Variants in GASK1B observed in about 807,000 individuals in gnomAD.
GASK1B encodes the protein golgi associated kinase 1B.
In GASK1B, 34 loss-of-function variants were observed where a neutral mutation model predicts 42.8. The observed-to-expected ratio is 0.79, with a 90% CI of 0.60 to 1.06. The LOEUF (loss-of-function observed/expected upper bound fraction) is 1.06, where lower values mean the gene tolerates loss of function less well. Ranked by LOEUF, GASK1B falls within the 50% of genes least tolerant of loss-of-function variation. The pLI, the probability that GASK1B is intolerant of heterozygous loss-of-function variation, is 0.00. For synonymous variants in GASK1B, 262 were observed against 259.1 expected (o/e 1.01, Z -0.11); for missense variants, 686 against 661.0 (o/e 1.04, Z -0.42).
At chr4:158,165,941 A>G (rs1331639996) in intron 2 of GASK1B, among the ~76,000 whole-genome samples, 1 of 152,246 alleles carries the variant, frequency 6.6e-6, no homozygotes, top group Non-Finnish European at 1.5e-5. Context: ...TATGTGATAC[A>G]TCACACTAGA....
intron 4 of GASK1B, among the ~76,000 whole-genome samples, chr4:158,129,702 A>G (rs574636959): frequency 6.6e-6 from 1 of 152,142 alleles, no homozygotes; most frequent in Non-Finnish European, 1.5e-5. Flanking sequence ...TTGGGTTCTA[A>G]CCTCAATTTG....
rs1182863160 is a variant in GASK1B, at chr4:158,126,858, AC to A, written c.*548del. The A allele has an allele frequency of 6.6e-6, 1 of 152,208 alleles. No individual in the cohort carries two copies. The highest frequency in any genetic ancestry group is 1.5e-5 in the Non-Finnish European group (1 of 68,022). 9.4% of individuals were successfully genotyped at this position (152,208 alleles called of 1,614,324 possible). On this transcript the variant is annotated 3_prime_UTR_variant, in exon 5 of 5. Coordinates refer to ENST00000585682, the MANE Select transcript of GASK1B (RefSeq NM_001128424.2). Reference sequence around the variant, plus strand: ...AATATACTGGTGATTTTGCAAATAAACCAGCATTTCTGTTTAAATGTATGGT... The same window carrying A: ...AATATACTGGTGATTTTGCAAATAAACAGCATTTCTGTTTAAATGTATGGT...
chr4:158,149,305 G>A (rs1731451983), intron 3 of GASK1B, among the ~76,000 whole-genome samples: 1 of 152,162 alleles, frequency 6.6e-6, no homozygotes, highest in Non-Finnish European at 1.5e-5. Context: ...GGGACAGTGA[G>A]GATAATCACA....
chr4:158,166,615 G>C (rs1352147717), intron 2 of GASK1B, among the ~76,000 whole-genome samples: 1 of 152,052 alleles, frequency 6.6e-6, no homozygotes, highest in African/African-American at 2.4e-5. Flanking sequence ...ATTTGTATGA[G>C]GATTTAATGA....
At chr4:158,158,687 C>T (rs550784194) in intron 2 of GASK1B, among the ~76,000 whole-genome samples, 1 of 152,154 alleles carries the variant, frequency 6.6e-6, no homozygotes, top group African/African-American at 2.4e-5. Flanking sequence ...CACAACTATT[C>T]AACTATGCAA....
Position 158,170,666 on chromosome 4 carries a change from G to A in GASK1B, c.710C>T (p.Pro237Leu). ...ACGGGCTCCGCTCCTAGAGGACACA[G>A]GCCGGAGCCCTGCCACTGCGCTGTC... ...LADSAVAGLR[P>L]VSSRSGARLL... Residue 237 changes from proline (P) to leucine (L), a missense_variant, in exon 2 of 5, where the codon CCT (proline) becomes CTT (leucine). Transcript: ENST00000585682. The A allele has an allele frequency of 6.2e-7, 1 of 1,614,084 alleles. No individual in the cohort carries two copies.
chr4:158,133,510 T>A (rs1730763912), intron 3 of GASK1B, among the ~76,000 whole-genome samples: 1 of 152,206 alleles, frequency 6.6e-6, no homozygotes, highest in Admixed American at 6.5e-5. Context: ...AACAAAACCA[T>A]GAATATCATA....
Position 158,170,475 on chromosome 4 carries a change from A to T in GASK1B, c.901T>A (p.Phe301Ile). Residue 301 changes from phenylalanine to isoleucine, a missense_variant, in exon 2 of 5, where the codon TTC becomes ATC. Phe to Ile is a conservative substitution (Grantham distance 21). Transcript: ENST00000585682. Reference sequence around the variant, plus strand: ...CATGTGAATCTGTTACCTTGGATGAACTCTGCTTTCCTGCTCACAGACGGC... The same window carrying T: ...CATGTGAATCTGTTACCTTGGATGATCTCTGCTTTCCTGCTCACAGACGGC... ...TLPSVSRKAEFIQDGRPCPII... is the reference protein window; with the variant it reads ...TLPSVSRKAEIIQDGRPCPII... The T allele has an allele frequency of 1.2e-6, 2 of 1,614,178 alleles. No individual in the cohort carries two copies. The highest frequency in any genetic ancestry group is 1.7e-6 in the Non-Finnish European group (2 of 1,180,032).
intron 3 of GASK1B, among the ~76,000 whole-genome samples, chr4:158,135,320 C>CAAAAAAAAAAAAAAAAA: frequency 1.8e-5 from 1 of 56,236 alleles, no homozygotes; most frequent in Non-Finnish European, 3.5e-5. Context: ...GACTCCGTCT[C>CAAAAAAAAAAAAAAAAA]AAAAAAAAAA....
chr4:158,132,270 T>G (rs1730712912), intron 3 of GASK1B, among the ~76,000 whole-genome samples: 1 of 152,224 alleles, frequency 6.6e-6, no homozygotes, highest in Admixed American at 6.5e-5. Context: ...CTTTTGGTAT[T>G]AAATTCCCAT....
intron 3 of GASK1B, among the ~76,000 whole-genome samples, chr4:158,150,324 C>T (rs1291074097): frequency 6.7e-6 from 1 of 149,454 alleles, no homozygotes; most frequent in Non-Finnish European, 1.5e-5. Flanking sequence ...GATAATGTAT[C>T]CATCTGAGGC....
intron 3 of GASK1B, 50 bp from the exon 4 acceptor site, chr4:158,131,062 G>T: frequency 1.3e-6 from 2 of 1,496,086 alleles, no homozygotes; most frequent in Non-Finnish European, 1.8e-6. Flanking sequence ...AACAAAACTT[G>T]GGAAAGTTAC....
At chr4:158,135,458 T>C (rs1730852671) in intron 3 of GASK1B, among the ~76,000 whole-genome samples, 1 of 152,048 alleles carries the variant, frequency 6.6e-6, no homozygotes, top group East Asian at 1.9e-4. Flanking sequence ...GTATACTTAA[T>C]GCTTCACATG....
In GASK1B at chr4:158,127,619, A is replaced by G. The variant is rs772005578; in HGVS notation, c.1353-5T>C. 1.2e-6 allele frequency: 2 copies of G among 1,610,994 alleles called. No homozygotes were observed. Among genetic ancestry groups the G allele is most frequent in the African/African-American group, 2.7e-5 (2 of 74,618 alleles). ...GAAACTGCAGAAGCTGGAAACCTGA[A>G]AAGATAAAATGATATTTCAATCTTA... On this transcript the variant is annotated splice_region_variant and splice_polypyrimidine_tract_variant and intron_variant, in intron 4 of 4. Transcript: ENST00000585682.
chr4:158,164,349 C>T (rs907528637), intron 2 of GASK1B, among the ~76,000 whole-genome samples: 1 of 152,200 alleles, frequency 6.6e-6, no homozygotes, highest in Non-Finnish European at 1.5e-5. Context: ...TTAATCACCC[C>T]TTTTATCCCA....
chr4:158,160,485 C>T (rs1731931486), intron 2 of GASK1B, among the ~76,000 whole-genome samples: 1 of 152,084 alleles, frequency 6.6e-6, no homozygotes, highest in East Asian at 1.9e-4. Flanking sequence ...AAAAGGGAAC[C>T]CTTAGCACTG....
chr4:158,138,352 C>T (rs1730985113), intron 3 of GASK1B, among the ~76,000 whole-genome samples: 1 of 151,988 alleles, frequency 6.6e-6, no homozygotes, highest in South Asian at 2.1e-4. Flanking sequence ...AAAGAACACT[C>T]AGACTAAAAA....
intron 2 of GASK1B, among the ~76,000 whole-genome samples, chr4:158,163,932 T>G (rs1183677237): frequency 6.6e-6 from 1 of 152,196 alleles, no homozygotes; most frequent in Admixed American, 6.5e-5. Context: ...ACATTGGAAC[T>G]GTAACAATTC....
At chr4:158,155,471 C>T (rs533123494) in intron 3 of GASK1B, 140 bp downstream of exon 3, 3 of 747,044 alleles carry the variant, frequency 4.0e-6, no homozygotes, top group South Asian at 1.9e-5. Context: ...ATGGCCAAAA[C>T]CACAATTACT....
Sources: gnomAD v4.1 joint callset for allele counts (sites outside exome capture counted in the v4.1 genomes callset) on GRCh38, gnomAD v4.1.1 for gene constraint, MANE v1.5 for transcripts, NCBI Gene and HGNC (gene_info 2026-07-23, HGNC 2026-07-21) for gene names.